MACF1: variants seen among roughly 807,000 people sequenced by gnomAD.
MACF1 encodes the protein microtubule actin crosslinking factor 1, also known as microtubule-actin cross-linking factor 1.
MACF1 carries 193 observed loss-of-function variants against 854.8 expected under a neutral mutation model. The observed-to-expected ratio is 0.23, with a 90% CI of 0.20 to 0.25. The LOEUF (loss-of-function observed/expected upper bound fraction) is 0.25. Among genes scored for constraint, MACF1 ranks in the 10% least tolerant of loss-of-function variants. The pLI, the probability that MACF1 is intolerant of heterozygous loss-of-function variation, is 1.00. For missense variants in MACF1, 7,722 were observed against 8,929.1 expected, an observed-to-expected ratio of 0.86 and a Z score of 5.45; for synonymous variants, 3,185 against 3,226.7, an observed-to-expected ratio of 0.99 and a Z score of 0.44.
chr1:39,292,939 T>TTTTG (rs1645825528), intron 17 of MACF1, 96 bp downstream of exon 17: 11 of 1,033,608 alleles, frequency 1.1e-5, no homozygotes, highest in Admixed American at 8.3e-5. Context: ...GGTTTGGCCC[T>TTTTG]GTTTTGGTTT....
intron 17 of MACF1, 63 bp downstream of exon 17, chr1:39,292,906 C>G: frequency 1.5e-6 from 2 of 1,343,652 alleles, no homozygotes; most frequent in South Asian, 1.3e-5. Flanking sequence ...AATCAACTCT[C>G]TTCCGTAATT....
At chr1:39,481,449 T>A (rs184556990) in intron 99 of MACF1, among the ~76,000 whole-genome samples, 1 of 152,326 alleles carries the variant, frequency 6.6e-6, no homozygotes, top group Admixed American at 6.5e-5. Flanking sequence ...GAAGAGTGGT[T>A]GGCGCCACCT....
intron 58 of MACF1, among the ~76,000 whole-genome samples, chr1:39,391,205 G>A (rs1209164062): frequency 3.3e-5 from 5 of 151,654 alleles, no homozygotes; most frequent in South Asian, 2.1e-4. Context: ...TTCTAAATAT[G>A]TATTATGCAT....
intron 2 of MACF1, among the ~76,000 whole-genome samples, chr1:39,176,171 G>C (rs1407625904): frequency 6.8e-6 from 1 of 146,186 alleles, no homozygotes; most frequent in Non-Finnish European, 1.5e-5. Flanking sequence ...CTACTCAGGA[G>C]GGAGGCTAGT....
chr1:39,131,798 T>C (rs1234887334), intron 2 of MACF1, among the ~76,000 whole-genome samples: 1 of 152,196 alleles, frequency 6.6e-6, no homozygotes, highest in Admixed American at 6.5e-5. Context: ...GGATTTAAAA[T>C]TTTTGTTTGT....
chr1:39,125,808 A>T (rs1400961276), intron 2 of MACF1, among the ~76,000 whole-genome samples: 1 of 152,254 alleles, frequency 6.6e-6, no homozygotes, highest in East Asian at 1.9e-4. Context: ...CCTGGCCAAC[A>T]TTAGTGAAAC....
At chr1:39,102,434 CGGG>C (rs10566264) in intron 2 of MACF1, among the ~76,000 whole-genome samples, 1 of 69,420 alleles carries the variant, frequency 1.4e-5, no homozygotes, top group African/African-American at 7.2e-5. Flanking sequence ...TAATTGGAGG[CGGG>C]GGGGGGGTCA....
At chr1:39,373,811 C>G (rs1367733639) in intron 52 of MACF1, among the ~76,000 whole-genome samples, 1 of 150,572 alleles carries the variant, frequency 6.6e-6, no homozygotes, top group African/African-American at 2.4e-5. Flanking sequence ...CAAGATCGTG[C>G]CACTGTATTC....
chr1:39,180,336 C>T (rs1251893644), intron 2 of MACF1, among the ~76,000 whole-genome samples: 1 of 152,022 alleles, frequency 6.6e-6, no homozygotes, highest in African/African-American at 2.4e-5. Flanking sequence ...GAGATATAGG[C>T]CAGGCATGGT....
intron 56 of MACF1, among the ~76,000 whole-genome samples, chr1:39,383,165 T>A (rs1230577895): frequency 6.6e-6 from 1 of 152,198 alleles, no homozygotes; most frequent in Admixed American, 6.5e-5. Flanking sequence ...TCATTCCCAA[T>A]GAAATCCTGC....
rs1337933320 is a variant in MACF1 at position 39,105,970 on chromosome 1, C to A, written c.220+21532C>A. On this transcript the variant is annotated intron_variant, in intron 2 of 93. Coordinates refer to the MACF1 transcript ENST00000361689. The surrounding 1 kb of genome is among the most constrained non-coding windows in gnomAD (Gnocchi z 5.9). ...GATTTGCCCTATTATCCGGCCCCAG[C>A]TGGAAGAAGGCGAGACAAGGCGCTG... is the stretch of plus-strand genomic sequence containing the variant. Among the ~76,000 whole-genome samples the A allele has an allele frequency of 6.6e-6, 1 of 152,186 alleles. No homozygotes were observed. The highest frequency in any genetic ancestry group is 2.4e-5 in the African/African-American group (1 of 41,462).
chr1:39,222,504 T>G (rs1644665150), intron 1 of MACF1, among the ~76,000 whole-genome samples: 1 of 152,202 alleles, frequency 6.6e-6, no homozygotes, highest in East Asian at 1.9e-4. Context: ...CAAGGTTTAG[T>G]TCAGACACCG....
Position 39,442,438 on chromosome 1 carries a change from C to T in MACF1, c.18975C>T (p.Ala6325=), listed in dbSNP as rs774298429. 13 of 1,614,118 alleles carry T rather than the reference C, an allele frequency of 8.1e-6. No homozygotes were observed. Among genetic ancestry groups the T allele is most frequent in the Non-Finnish European group, 1.1e-5 (13 of 1,180,022 alleles). Residue 6325 remains alanine (A), a synonymous_variant, in exon 77 of 101, where the codon GCC becomes GCT. Coordinates refer to ENST00000564288, the MANE Select transcript of MACF1 (RefSeq NM_001394062.1). ...RQHKLEGALL[A]LGQFQHALEE... ...ACAAACTAGAAGGGGCTCTGTTGGC[C>T]CTTGGTCAGTTCCAGCATGCCTTAG...
At chr1:39,448,905 CTG>C (rs1644279322) in intron 84 of MACF1, 142 bp downstream of exon 84, 2 of 513,784 alleles carry the variant, frequency 3.9e-6, no homozygotes, top group Non-Finnish European at 3.3e-6. Context: ...AGTTCAAAGA[CTG>C]TTATAATTTA....
intron 2 of MACF1, among the ~76,000 whole-genome samples, chr1:39,176,612 G>A (rs765842637): frequency 6.6e-6 from 1 of 152,130 alleles, no homozygotes; most frequent in Non-Finnish European, 1.5e-5. Context: ...TGGGGAGCTA[G>A]ATATGAATTC....
At chr1:39,201,955 CTTTTTTTTTTTTTTT>C (rs748333630), upstream of MACF1, among the ~76,000 whole-genome samples, 2 of 52,310 alleles carry the variant, frequency 3.8e-5, no homozygotes, top group Non-Finnish European at 6.2e-5. Flanking sequence ...TGCTCATATT[CTTTTTTTTTTTTTTT>C]TTTTTTTTTT....
At position 39,340,642 on chromosome 1, in the gene MACF1, G is replaced by A. The variant is rs762369044; in HGVS notation, c.10356G>A (p.Gln3452=). The change falls in exon 39 of 101, where the codon CAG becomes CAA. Residue 3452 remains glutamine, a synonymous_variant. Transcript: ENST00000564288. ...KALEKDAKNL[Q]KSLSSVSDTW... is the part of the protein sequence containing the mutation. ...TAGAGAAAGATGCCAAGAATCTTCA[G>A]AAGTCTCTCAGCTCTGTGAGTGACA... 2.2e-5 allele frequency: 35 copies of A among 1,614,204 alleles called. No homozygotes were observed. The highest frequency in any genetic ancestry group is 2.9e-5 in the Non-Finnish European group (34 of 1,180,022).
In MACF1 at chr1:39,433,100, G is replaced by A; in HGVS notation, c.17510G>A (p.Ser5837Asn). 1.2e-6 allele frequency: 2 copies of A among 1,612,508 alleles called. No homozygotes were observed. The highest frequency in any genetic ancestry group is 1.7e-6 in the Non-Finnish European group (2 of 1,179,154). The change falls in exon 68 of 101, where the codon AGT becomes AAT. Residue 5837 changes from serine to asparagine, a missense_variant. By Grantham distance (46) the Ser-to-Asn change is conservative. This residue lies in a region of MACF1 where 2,807 missense variants were observed against 3,235.8 expected (regional missense o/e 0.87). Transcript: ENST00000564288. ...AAAGATTCAATGGATGAACTCTTCAGTCACCGTAGTGAAATCTTTGGCACA... is the reference window on the plus strand; with the variant it reads ...AAAGATTCAATGGATGAACTCTTCAATCACCGTAGTGAAATCTTTGGCACA... The part of the protein sequence containing the change: ...RHKDSMDELF[S>N]HRSEIFGTCG...
chr1:39,217,240 C>CTATTTTATTT (rs60350458), intron 1 of MACF1, among the ~76,000 whole-genome samples: 1,560 of 135,888 alleles, frequency 0.011, 23 homozygotes, highest in African/African-American at 0.029. Context: ...GATTTAGGGT[C>CTATTTTATTT]TATTTTATTT....
Sources: gnomAD v4.1 joint callset for allele counts (sites outside exome capture counted in the v4.1 genomes callset) on GRCh38, gnomAD v4.1.1 for gene constraint, gnomAD v4.1.1 regional missense constraint, Gnocchi (gnomAD v3.1) non-coding constraint, MANE v1.5 for transcripts, NCBI Gene and HGNC (gene_info 2026-07-23, HGNC 2026-07-21) for gene names.